The following ARK2N variants were observed in gnomAD, a reference collection of about 807,000 sequenced individuals.
ARK2N encodes the protein arkadia (RNF111) N-terminal like PKA signaling regulator 2N.
At chr18:46,258,270 G>A in the ARK2N span, among the ~76,000 whole-genome samples, 1 of 152,146 alleles carries the variant, frequency 6.6e-6, no homozygotes, top group Non-Finnish European at 1.5e-5. Context: ...ATACAGATGA[G>A]TGTTTCCCTA....
the ARK2N span, among the ~76,000 whole-genome samples, chr18:46,175,560 C>A: frequency 6.6e-6 from 1 of 151,282 alleles, no homozygotes; most frequent in South Asian, 2.1e-4. Context: ...TGCCTGATGT[C>A]CTGAGGAGTC....
chr18:46,216,030 A>G, the ARK2N span: 1 of 1,614,000 alleles, frequency 6.2e-7, no homozygotes, highest in African/African-American at 1.3e-5. The surrounding 1 kb of genome is among the most constrained non-coding windows in gnomAD (Gnocchi z 4.3). Context: ...CGGATTCTAC[A>G]GTTATTTCTT....
the ARK2N span, among the ~76,000 whole-genome samples, chr18:46,175,111 C>A: frequency 6.7e-6 from 1 of 149,486 alleles, no homozygotes; most frequent in Non-Finnish European, 1.5e-5. Flanking sequence ...TAAAATTGTC[C>A]ACCCCCCCGC....
At chr18:46,229,598 C>G in the ARK2N span, among the ~76,000 whole-genome samples, 3 of 151,120 alleles carry the variant, frequency 2.0e-5, no homozygotes, top group East Asian at 5.9e-4. Flanking sequence ...CCTGCCTCAG[C>G]CTCCCAAAGT....
the ARK2N span, among the ~76,000 whole-genome samples, chr18:46,197,925 G>T: frequency 2.0e-5 from 3 of 152,160 alleles, no homozygotes; most frequent in South Asian, 2.1e-4. Context: ...CTTCAAATCT[G>T]TCTTTTAGTT....
At chr18:46,194,716 C>T in the ARK2N span, among the ~76,000 whole-genome samples, 14 of 150,230 alleles carry the variant, frequency 9.3e-5, no homozygotes, top group African/African-American at 3.4e-4. Flanking sequence ...CCTCGTGATC[C>T]ACCAGCCTTG....
the ARK2N span, among the ~76,000 whole-genome samples, chr18:46,194,542 G>A: frequency 1.3e-5 from 2 of 151,052 alleles, no homozygotes; most frequent in Non-Finnish European, 2.9e-5. Context: ...GCATGGTCTC[G>A]GCTCACTGCA....
chr18:46,224,711 G>GTAGA, the ARK2N span, among the ~76,000 whole-genome samples: 1 of 152,124 alleles, frequency 6.6e-6, no homozygotes, highest in Non-Finnish European at 1.5e-5. Context: ...ATGCTGCTAG[G>GTAGA]TAGATAAATT....
the ARK2N span, chr18:46,216,230 C>T: frequency 7.8e-5 from 126 of 1,613,874 alleles, no homozygotes; most frequent in Non-Finnish European, 1.1e-4. The surrounding 1 kb of genome is among the most constrained non-coding windows in gnomAD (Gnocchi z 4.3). Context: ...GAGAATGAAC[C>T]CTCTCAGGCA....
the ARK2N span, among the ~76,000 whole-genome samples, chr18:46,246,512 A>G: frequency 6.6e-6 from 1 of 152,156 alleles, no homozygotes; most frequent in Non-Finnish European, 1.5e-5. Flanking sequence ...TAAGGCTCTG[A>G]CAGGAAATTT....
At chr18:46,264,188 A>C in the ARK2N span, 1 of 152,634 alleles carries the variant, frequency 6.6e-6, no homozygotes, top group Admixed American at 6.5e-5. Flanking sequence ...ATCAGATGCA[A>C]AGCACGTTAA....
the ARK2N span, among the ~76,000 whole-genome samples, chr18:46,260,196 T>A: frequency 3.3e-5 from 5 of 152,170 alleles, no homozygotes; most frequent in Non-Finnish European, 7.3e-5. Flanking sequence ...ATAGCAATGA[T>A]TATCTGAAAC....
chr18:46,180,497 C>T, the ARK2N span, among the ~76,000 whole-genome samples: 2 of 151,600 alleles, frequency 1.3e-5, no homozygotes, highest in South Asian at 2.1e-4. Flanking sequence ...ACCTGAAGTT[C>T]GGAGTTTGAG....
At chr18:46,256,907 G>GGA in the ARK2N span, among the ~76,000 whole-genome samples, 1 of 152,206 alleles carries the variant, frequency 6.6e-6, no homozygotes, top group Non-Finnish European at 1.5e-5. Flanking sequence ...GAAGCAAGTA[G>GGA]GAGAAGAGGC....
chr18:46,180,282 G>T, the ARK2N span, among the ~76,000 whole-genome samples: 5 of 152,208 alleles, frequency 3.3e-5, no homozygotes, highest in Non-Finnish European at 5.9e-5. Flanking sequence ...GTATTTTCTA[G>T]TTAAGTGACA....
At chr18:46,241,712 TA>T in the ARK2N span, among the ~76,000 whole-genome samples, 1 of 151,446 alleles carries the variant, frequency 6.6e-6, no homozygotes, top group Non-Finnish European at 1.5e-5. Flanking sequence ...GTGACAAAAC[TA>T]GACTGTATCC....
chr18:46,261,655 G>A, the ARK2N span, among the ~76,000 whole-genome samples: 1 of 152,140 alleles, frequency 6.6e-6, no homozygotes, highest in Non-Finnish European at 1.5e-5. Flanking sequence ...TCTTTGAAAA[G>A]GTAGTAGCCT....
chr18:46,253,877 C>T, the ARK2N span: 1 of 1,516,308 alleles, frequency 6.6e-7, no homozygotes, highest in African/African-American at 1.4e-5. Context: ...TCTATTTTAA[C>T]CAGAAAACAA....
At chr18:46,216,435 A>G in the ARK2N span, 1 of 1,614,132 alleles carries the variant, frequency 6.2e-7, no homozygotes, top group African/African-American at 1.3e-5. This position sits in a 1 kb window ranked among gnomAD's most constrained non-coding sequence, Gnocchi z 4.3. Context: ...GGATCAGGCT[A>G]CTGAGGCAGA....
Sources: allele counts gnomAD v4.1 joint callset (sites outside exome capture counted in the v4.1 genomes callset), GRCh38; gene constraint gnomAD v4.1.1; non-coding constraint Gnocchi (gnomAD v3.1); transcripts MANE v1.5; gene names NCBI Gene and HGNC (gene_info 2026-07-23, HGNC 2026-07-21).